The following SLC8A1 variants were observed in gnomAD, a reference collection of about 807,000 sequenced individuals.
The protein encoded by SLC8A1 is sodium/calcium exchanger 1.
Under a neutral mutation model 68.3 loss-of-function variants are expected in SLC8A1, and 18 were observed. The observed-to-expected ratio is 0.26, with a 90% CI of 0.18 to 0.39. The LOEUF (loss-of-function observed/expected upper bound fraction) is 0.39, where lower values mean the gene tolerates loss of function less well. Among genes scored for constraint, SLC8A1 ranks in the 10% least tolerant of loss-of-function variants. SLC8A1 has a pLI of 1.00. For missense variants in SLC8A1, 985 were observed against 1,156.7 expected, an observed-to-expected ratio of 0.85 and a Z score of 2.15; for synonymous variants, 475 against 415.5, an observed-to-expected ratio of 1.14 and a Z score of -1.74.
intron 4 of SLC8A1, among the ~76,000 whole-genome samples, chr2:40,167,099 G>A (rs1414775265): frequency 6.6e-6 from 1 of 152,186 alleles, no homozygotes; most frequent in African/African-American, 2.4e-5. Flanking sequence ...TTTGATCATG[G>A]TATTAAATAA....
intron 2 of SLC8A1, among the ~76,000 whole-genome samples, chr2:40,285,423 CT>C (rs1231481023): frequency 2.6e-5 from 4 of 152,228 alleles, no homozygotes; most frequent in South Asian, 2.1e-4. Flanking sequence ...CTAGTGTTTT[CT>C]TTTTTTGTTG....
intron 2 of SLC8A1, among the ~76,000 whole-genome samples, chr2:40,356,370 AAGACCAC>A (rs1283046704): frequency 6.6e-6 from 1 of 152,212 alleles, no homozygotes; most frequent in Non-Finnish European, 1.5e-5. Flanking sequence ...CCTGCTCTCA[AAGACCAC>A]AGAGAATCTA....
At chr2:40,387,162 T>A (rs1400172723) in intron 2 of SLC8A1, among the ~76,000 whole-genome samples, 1 of 151,502 alleles carries the variant, frequency 6.6e-6, no homozygotes, top group Non-Finnish European at 1.5e-5. Flanking sequence ...TCTGTCTTTC[T>A]TTCCTTGTAT....
intron 2 of SLC8A1, among the ~76,000 whole-genome samples, chr2:40,323,496 T>C (rs1047588479): frequency 1.3e-5 from 2 of 152,182 alleles, no homozygotes; most frequent in South Asian, 2.1e-4. Context: ...TCTGACTTAC[T>C]TGCCCATCCT....
At chr2:40,310,304 C>T (rs1435523260) in intron 2 of SLC8A1, among the ~76,000 whole-genome samples, 2 of 152,108 alleles carry the variant, frequency 1.3e-5, no homozygotes, top group East Asian at 3.9e-4. Context: ...TATGGGAAAC[C>T]CAAGTAGTTG....
At chr2:40,183,815 A>T (rs953158883) in intron 2 of SLC8A1, among the ~76,000 whole-genome samples, 2 of 152,188 alleles carry the variant, frequency 1.3e-5, no homozygotes, top group Non-Finnish European at 2.9e-5. Context: ...CCCACTCCAG[A>T]TCAGTTAAAT....
At chr2:40,175,199 C>G in intron 3 of SLC8A1, 62 bp downstream of exon 4, 22 of 1,525,312 alleles carry the variant, frequency 1.4e-5, no homozygotes, top group Non-Finnish European at 2.0e-5. Flanking sequence ...ACTGTATCAC[C>G]TGACGGAAAT....
chr2:40,357,762 C>T (rs1188728681), intron 2 of SLC8A1, among the ~76,000 whole-genome samples: 1 of 152,076 alleles, frequency 6.6e-6, no homozygotes, highest in East Asian at 1.9e-4. Context: ...GGATGCTAAT[C>T]AAATGGATTA....
intron 2 of SLC8A1, among the ~76,000 whole-genome samples, chr2:40,279,088 T>C (rs1318249375): frequency 5.9e-5 from 9 of 152,214 alleles, no homozygotes; most frequent in Admixed American, 2.0e-4. Context: ...TGTTTTCCCA[T>C]TGATGAAGAC....
At chr2:40,139,296 G>C in intron 7 of SLC8A1, 105 bp downstream of exon 10, 1 of 1,274,772 alleles carries the variant, frequency 7.8e-7, no homozygotes, top group Non-Finnish European at 1.1e-6. Context: ...GTCTTTCATA[G>C]GTCTTGGTTT....
At chr2:40,158,551 A>C (rs971996491) in intron 6 of SLC8A1, among the ~76,000 whole-genome samples, 3 of 152,330 alleles carry the variant, frequency 2.0e-5, no homozygotes, top group Admixed American at 6.5e-5. Flanking sequence ...TCAGTTATTA[A>C]CAATTCTTCA....
At chr2:40,253,143 G>GTGTATACA (rs2063223989) in intron 2 of SLC8A1, among the ~76,000 whole-genome samples, 5 of 110,138 alleles carry the variant, frequency 4.5e-5, no homozygotes, top group Non-Finnish European at 8.8e-5. Flanking sequence ...ATATGTATAT[G>GTGTATACA]TATATACATA....
exon 8 of SLC8A1, chr2:40,106,237 G>A (rs1407168573): frequency 6.6e-6 from 1 of 152,082 alleles, no homozygotes; most frequent in Non-Finnish European, 1.5e-5. Flanking sequence ...ATGTGTCTAG[G>A]GATTGAGTCA....
intron 2 of SLC8A1, among the ~76,000 whole-genome samples, chr2:40,296,099 G>A (rs546472477): frequency 4.1e-4 from 63 of 152,088 alleles, no homozygotes; most frequent in Non-Finnish European, 6.3e-4. Flanking sequence ...AGTTTTGCAA[G>A]GAAATAAGAA....
chr2:40,429,420 A>C (rs1203738903), exon 2 of SLC8A1: 1 of 1,613,784 alleles, frequency 6.2e-7, no homozygotes, highest in Non-Finnish European at 8.5e-7. Flanking sequence ...TTTCAATTTC[A>C]GTCTTAGAAG....
intron 2 of SLC8A1, among the ~76,000 whole-genome samples, chr2:40,361,379 G>A (rs1203061323): frequency 6.6e-6 from 1 of 152,014 alleles, no homozygotes; most frequent in Admixed American, 6.6e-5. Context: ...AGATCAGTTG[G>A]GCACATGTGG....
chr2:40,185,095 AAGAC>A (rs1226969005), intron 2 of SLC8A1, among the ~76,000 whole-genome samples: 3 of 152,188 alleles, frequency 2.0e-5, no homozygotes, highest in South Asian at 2.1e-4. Flanking sequence ...TACGATAAAA[AAGAC>A]AGACAATAAC....
chr2:40,111,842 C>T (rs1558388203), exon 8 of SLC8A1: 1 of 152,086 alleles, frequency 6.6e-6, no homozygotes, highest in Non-Finnish European at 1.5e-5. Context: ...TTGGGATCGA[C>T]TGATTTGATG....
intron 2 of SLC8A1, among the ~76,000 whole-genome samples, chr2:40,317,756 T>G (rs989916448): frequency 6.6e-6 from 1 of 152,106 alleles, no homozygotes; most frequent in Non-Finnish European, 1.5e-5. Context: ...TTAAAAAATT[T>G]ATTCTTATCT....
Sources: gnomAD v4.1 joint callset for allele counts (sites outside exome capture counted in the v4.1 genomes callset) on GRCh38, gnomAD v4.1.1 for gene constraint, MANE v1.5 for transcripts, NCBI Gene and HGNC (gene_info 2026-07-23, HGNC 2026-07-21) for gene names.